Variants in OR51B5 observed in about 807,000 individuals in gnomAD.
OR51B5 encodes olfactory receptor family 51 subfamily B member 5, also known as olfactory receptor 51B5.
For missense variants in OR51B5, 456 were observed against 374.6 expected, an observed-to-expected ratio of 1.22 and a Z score of -1.79; for synonymous variants, 186 against 144.8, an observed-to-expected ratio of 1.28 and a Z score of -2.04.
intron 1 of OR51B5, among the ~76,000 whole-genome samples, chr11:5,350,200 T>C (rs369168232): frequency 2.8e-5 from 3 of 108,990 alleles, no homozygotes; most frequent in African/African-American, 8.5e-5. Flanking sequence ...AAGACAGAAA[T>C]CACTAGTAGT....
intron 1 of OR51B5, among the ~76,000 whole-genome samples, chr11:5,424,932 A>T (rs1402687201): frequency 2.9e-5 from 3 of 103,662 alleles, no homozygotes; most frequent in African/African-American, 1.0e-4. Context: ...CAGTGAGCCG[A>T]GATCCCGCCA....
At chr11:5,427,920 A>G (rs1403807320) in intron 1 of OR51B5, among the ~76,000 whole-genome samples, 5 of 152,162 alleles carry the variant, frequency 3.3e-5, no homozygotes, top group Admixed American at 1.3e-4. Context: ...TATACAGTGC[A>G]TGGTCAAAAC....
At chr11:5,346,593 G>A (rs10837870), upstream of OR51B5, among the ~76,000 whole-genome samples, 1 of 151,752 alleles carries the variant, frequency 6.6e-6, no homozygotes, top group African/African-American at 2.4e-5. Context: ...AGACATATGA[G>A]AGGGTCAATC....
At chr11:5,425,061 GTTTTA>G (rs1367890627) in intron 1 of OR51B5, among the ~76,000 whole-genome samples, 1 of 103,094 alleles carries the variant, frequency 9.7e-6, no homozygotes, top group African/African-American at 3.4e-5. Flanking sequence ...CTTTCCTCAT[GTTTTA>G]TTTTTTCTCT....
chr11:5,446,708 C>T (rs1370649801), intron 1 of OR51B5, among the ~76,000 whole-genome samples: 1 of 152,176 alleles, frequency 6.6e-6, no homozygotes, highest in African/African-American at 2.4e-5. Context: ...ACATTCCCTG[C>T]CATGCCTATA....
intron 1 of OR51B5, among the ~76,000 whole-genome samples, chr11:5,432,761 C>A (rs1412870665): frequency 6.6e-6 from 1 of 152,156 alleles, no homozygotes; most frequent in Non-Finnish European, 1.5e-5. Flanking sequence ...CAGGCCACAG[C>A]TTAAAAGTCA....
intron 1 of OR51B5, among the ~76,000 whole-genome samples, chr11:5,402,059 A>G (rs1431195616): frequency 6.7e-6 from 1 of 150,262 alleles, no homozygotes; most frequent in African/African-American, 2.5e-5. Flanking sequence ...TTACCCAGGC[A>G]TAAGTGTAGG....
At chr11:5,477,902 G>C (rs1252391101) in intron 1 of OR51B5, among the ~76,000 whole-genome samples, 1 of 151,884 alleles carries the variant, frequency 6.6e-6, no homozygotes, top group Admixed American at 6.6e-5. Flanking sequence ...AGCAGTCTGG[G>C]ATCAAACTGC....
intron 1 of OR51B5, chr11:5,489,813 T>C: frequency 1.5e-6 from 1 of 647,122 alleles, no homozygotes; most frequent in Non-Finnish European, 2.7e-6. Flanking sequence ...ATCAGAGCTA[T>C]CAATTATCAC....
chr11:5,362,660 G>A, intron 1 of OR51B5: 1 of 199,338 alleles, frequency 5.0e-6, no homozygotes, highest in Non-Finnish European at 1.1e-5. Context: ...GGTCAACCCA[G>A]CTGTCTTCCC....
chr11:5,421,572 A>AT (rs1276880282), intron 1 of OR51B5, among the ~76,000 whole-genome samples: 10 of 152,168 alleles, frequency 6.6e-5, no homozygotes, highest in African/African-American at 1.9e-4. Context: ...ATTTCCAGTT[A>AT]TTTTTTATGT....
chr11:5,370,162 T>G (rs1459209137), intron 1 of OR51B5, among the ~76,000 whole-genome samples: 4 of 152,180 alleles, frequency 2.6e-5, no homozygotes, highest in Non-Finnish European at 5.9e-5. Context: ...AAGTTGTAAT[T>G]TAAAAATAAT....
At chr11:5,357,587 CAG>C (rs1270253939) in intron 1 of OR51B5, among the ~76,000 whole-genome samples, 3 of 152,154 alleles carry the variant, frequency 2.0e-5, no homozygotes, top group East Asian at 1.9e-4. Context: ...ATCAACGAGA[CAG>C]AAAGTTAACA....
At chr11:5,376,752 T>C (rs1365251800) in intron 1 of OR51B5, among the ~76,000 whole-genome samples, 1 of 151,802 alleles carries the variant, frequency 6.6e-6, no homozygotes, top group African/African-American at 2.4e-5. Flanking sequence ...ATCCCAAGAC[T>C]AAACCAGGAA....
chr11:5,423,250 T>C, intron 1 of OR51B5: 1 of 1,400,958 alleles, frequency 7.1e-7, no homozygotes, highest in Non-Finnish European at 9.4e-7. Flanking sequence ...AACTTCATCA[T>C]AATATTAAGG....
At chr11:5,371,429 C>A (rs1434106756) in intron 1 of OR51B5, among the ~76,000 whole-genome samples, 2 of 151,884 alleles carry the variant, frequency 1.3e-5, no homozygotes, top group Non-Finnish European at 2.9e-5. Context: ...AAAGAATGAA[C>A]AAAATGACCA....
intron 1 of OR51B5, among the ~76,000 whole-genome samples, chr11:5,495,598 CA>C: frequency 6.6e-6 from 1 of 151,972 alleles, no homozygotes; most frequent in East Asian, 1.9e-4. Flanking sequence ...ACACAGAAGA[CA>C]AAAATAAAGA....
intron 1 of OR51B5, chr11:5,441,548 A>G (rs1266483148): frequency 1.3e-6 from 2 of 1,530,172 alleles, no homozygotes; most frequent in Non-Finnish European, 1.8e-6. Context: ...TGGACCCAAG[A>G]GGGTGTGTTG....
rs970641972 is a variant in OR51B5 at position 5,414,331 on chromosome 11, C to A, written n.85-67421G>T. ...CGGTACCAGCCACTGCAAAATCATG[C>A]CAAAATGTAAAGACCATTCAGACTA... On this transcript the variant is annotated intron_variant and non_coding_transcript_variant, in intron 1 of 4. Transcript: ENST00000415970. Among the ~76,000 whole-genome samples, 11 of 141,966 alleles carry A rather than the reference C, an allele frequency of 7.7e-5. 2 individuals are homozygous for A. In the East Asian group the frequency reaches 1.8e-3, roughly 24 times the overall value. 93.1% of individuals were successfully genotyped at this position (141,966 alleles called of 152,430 possible). A position where few individuals can be genotyped will look rare whatever the true frequency, so the allele number is the denominator to read the frequency against.
Sources: gnomAD v4.1 joint callset for allele counts (sites outside exome capture counted in the v4.1 genomes callset) on GRCh38, gnomAD v4.1.1 for gene constraint, MANE v1.5 for transcripts, NCBI Gene and HGNC (gene_info 2026-07-23, HGNC 2026-07-21) for gene names.